ZHX3: variants seen among roughly 807,000 people sequenced by gnomAD.
The protein encoded by ZHX3 is zinc fingers and homeoboxes 3.
ZHX3 carries 20 observed loss-of-function variants against 64.5 expected under a neutral mutation model. The observed-to-expected ratio is 0.31, with a 90% CI of 0.22 to 0.45. The LOEUF is 0.45. Ranked by LOEUF, ZHX3 falls within the 20% of genes least tolerant of loss-of-function variation. ZHX3 has a pLI of 1.00. For missense variants in ZHX3, 1,041 were observed against 1,195.8 expected (o/e 0.87, Z 1.91); for synonymous variants, 423 against 461.6 (o/e 0.92, Z 1.07).
At chr20:41,266,700 T>C (rs1337742002) in intron 2 of ZHX3, among the ~76,000 whole-genome samples, 5 of 149,886 alleles carry the variant, frequency 3.3e-5, no homozygotes, top group South Asian at 2.1e-4. Flanking sequence ...CGCGCGCCAC[T>C]GCGCCCAGCT....
rs2036232319 is a variant in ZHX3, at chr20:41,181,031, C to A, written c.*4160G>T. On this transcript the variant is annotated 3_prime_UTR_variant, in exon 4 of 4. Coordinates refer to ENST00000683867, the MANE Select transcript of ZHX3 (RefSeq NM_001384317.1). ...TGGAGCTTTTCTGAGATCAAGTGCT[C>A]CCCAAACTACATGGGAGTAGCCCCC... 6.6e-6 allele frequency: 1 copy of A among 152,238 alleles called. No individual in the cohort carries two copies. The highest frequency in any genetic ancestry group is 1.5e-5 in the Non-Finnish European group (1 of 68,084). The allele number at this position is 152,238 out of a possible 1,614,324, so 9.4% of individuals were successfully genotyped here. A position where few individuals can be genotyped will look rare whatever the true frequency, so the allele number is the denominator to read the frequency against.
At chr20:41,206,839 A>G (rs2038755053) in intron 2 of ZHX3, among the ~76,000 whole-genome samples, 1 of 152,164 alleles carries the variant, frequency 6.6e-6, no homozygotes, top group African/African-American at 2.4e-5. Flanking sequence ...TCCAAAACAC[A>G]TTAATTGTCA....
At chr20:41,265,722 G>C (rs2146594849) in intron 2 of ZHX3, among the ~76,000 whole-genome samples, 1 of 152,236 alleles carries the variant, frequency 6.6e-6, no homozygotes, top group East Asian at 1.9e-4. Context: ...TAGCCAAGTA[G>C]AGATGCCCAC....
chr20:41,250,138 T>C (rs1296791064), intron 2 of ZHX3, among the ~76,000 whole-genome samples: 1 of 152,112 alleles, frequency 6.6e-6, no homozygotes, highest in Non-Finnish European at 1.5e-5. Context: ...TCAGGCAGCA[T>C]GGCCTGGGGA....
chr20:41,292,477 A>G (rs1403724777), intron 1 of ZHX3, among the ~76,000 whole-genome samples: 1 of 152,210 alleles, frequency 6.6e-6, no homozygotes, highest in Non-Finnish European at 1.5e-5. Flanking sequence ...CCATGTACAA[A>G]GGGCAAGAGA....
chr20:41,303,136 G>A (rs1025552574), intron 1 of ZHX3, among the ~76,000 whole-genome samples: 4 of 152,202 alleles, frequency 2.6e-5, no homozygotes, highest in African/African-American at 9.7e-5. Flanking sequence ...GTGAAGTTAA[G>A]GTATGTCCAA....
At chr20:41,186,918 G>C (rs2036568922) in intron 3 of ZHX3, among the ~76,000 whole-genome samples, 1 of 151,946 alleles carries the variant, frequency 6.6e-6, no homozygotes, top group African/African-American at 2.4e-5. Context: ...CCATTCTGTG[G>C]GTTCTTTCAT....
intron 1 of ZHX3, among the ~76,000 whole-genome samples, chr20:41,305,423 T>C (rs1038874864): frequency 6.0e-5 from 9 of 150,458 alleles, no homozygotes; most frequent in African/African-American, 2.0e-4. Context: ...TCCCAGGAGG[T>C]AGAAGCTGCA....
At chr20:41,298,553 C>T (rs563011224) in intron 1 of ZHX3, among the ~76,000 whole-genome samples, 50 of 152,266 alleles carry the variant, frequency 3.3e-4, no homozygotes, top group Middle Eastern at 3.4e-3. Context: ...ACAAATGTAA[C>T]AAAACATAGC....
chr20:41,269,769 GA>G (rs2043036065), intron 1 of ZHX3, among the ~76,000 whole-genome samples: 1 of 151,926 alleles, frequency 6.6e-6, no homozygotes, highest in Non-Finnish European at 1.5e-5. Flanking sequence ...GAGTATACCA[GA>G]AGGTCTCAGA....
rs2036292921 is a variant in ZHX3, at chr20:41,182,777, G to A, written c.*2414C>T. 1 of 152,246 alleles carries A rather than the reference G, an allele frequency of 6.6e-6. No homozygotes were observed. The highest frequency in any genetic ancestry group is 1.5e-5 in the Non-Finnish European group (1 of 68,056). 9.4% of individuals were successfully genotyped at this position (152,246 alleles called of 1,614,324 possible). A position where few individuals can be genotyped will look rare whatever the true frequency, so the allele number is the denominator to read the frequency against. On this transcript the variant is annotated 3_prime_UTR_variant, in exon 4 of 4. Transcript: ENST00000683867. This position sits in a 1 kb window ranked among gnomAD's most constrained non-coding sequence, Gnocchi z 6.1. ...ACATCTATAAGAAAAACATACCAGG[G>A]CAGGCAGCACTGTACTTTTCCACCT...
chr20:41,289,450 C>T lies in ZHX3; in HGVS notation c.-244-20367G>A, dbSNP rs557043662. 4.6e-5 allele frequency among the ~76,000 whole-genome samples: 7 copies of T among 152,064 alleles called. 1 individual carries two copies. Among genetic ancestry groups the T allele is most frequent in the Non-Finnish European group, 7.4e-5 (5 of 68,014 alleles). ...GTCACAGTCAAACAGAGAAAAATAACGGTGCTCCTTGTTTTACTCCAAATT... is the reference window on the plus strand; with the variant it reads ...GTCACAGTCAAACAGAGAAAAATAATGGTGCTCCTTGTTTTACTCCAAATT... On this transcript the variant is annotated intron_variant, in intron 1 of 3. Transcript: ENST00000683867.
rs149159580 is a variant in ZHX3, at chr20:41,181,787, G to A, written c.*3404C>T. On this transcript the variant is annotated 3_prime_UTR_variant, in exon 4 of 4. Transcript: ENST00000683867. The stretch of plus-strand genomic sequence containing the variant: ...GCCTCCCAAGGCTAGCTGGAGATGA[G>A]ACCACTAGTACATGTGTGAGCCCGC... 1.6e-3 allele frequency: 246 copies of A among 152,432 alleles called. 1 individual carries two copies. Among genetic ancestry groups the A allele is most frequent in the African/African-American group, 5.3e-3 (222 of 41,590 alleles). 9.4% of individuals were successfully genotyped at this position (152,432 alleles called of 1,614,324 possible).
At chr20:41,264,639 A>G (rs562835151) in intron 2 of ZHX3, among the ~76,000 whole-genome samples, 1 of 151,958 alleles carries the variant, frequency 6.6e-6, no homozygotes. Context: ...CAAATGATTC[A>G]TGTTATAGAA....
At chr20:41,266,692 C>A (rs1164454222) in intron 2 of ZHX3, among the ~76,000 whole-genome samples, 1 of 151,594 alleles carries the variant, frequency 6.6e-6, no homozygotes. Context: ...ACTACAGGCG[C>A]GCGCCACTGC....
intron 2 of ZHX3, among the ~76,000 whole-genome samples, chr20:41,240,859 G>A (rs910016752): frequency 7.2e-5 from 11 of 152,100 alleles, no homozygotes; most frequent in South Asian, 4.1e-4. Context: ...CTTTTGTATC[G>A]TTGAATAGTA....
Position 41,204,372 on chromosome 20 carries a change from G to T in ZHX3, c.545C>A (p.Thr182Asn). 1 of 1,614,144 alleles carries T rather than the reference G, an allele frequency of 6.2e-7. No individual in the cohort carries two copies. Among genetic ancestry groups the T allele is most frequent in the East Asian group, 2.2e-5 (1 of 44,870 alleles). ...GADGQAEIII[T>N]KTPIMKIMKG... The stretch of plus-strand genomic sequence containing the variant: ...CATTATCTTCATGATTGGAGTTTTG[G>T]TAATGATGATTTCTGCCTGTCCATC... Residue 182 changes from threonine to asparagine, a missense_variant, in exon 3 of 4, where the codon ACC becomes AAC. Coordinates refer to ENST00000683867, the MANE Select transcript of ZHX3 (RefSeq NM_001384317.1). The surrounding 1 kb of genome is among the most constrained non-coding windows in gnomAD (Gnocchi z 6.6).
At chr20:41,292,371 A>C (rs1308472971) in intron 1 of ZHX3, among the ~76,000 whole-genome samples, 1 of 152,222 alleles carries the variant, frequency 6.6e-6, no homozygotes, top group East Asian at 1.9e-4. Context: ...ACAAGTGCAA[A>C]TGCTTTGTTG....
intron 3 of ZHX3, among the ~76,000 whole-genome samples, chr20:41,196,365 T>TTTC (rs2037501527): frequency 1.1e-5 from 1 of 89,152 alleles, no homozygotes; most frequent in East Asian, 3.3e-4. Flanking sequence ...CTTATAAATA[T>TTTC]ATATATTTAT....
Sources: gnomAD v4.1 joint callset for allele counts (sites outside exome capture counted in the v4.1 genomes callset) on GRCh38, gnomAD v4.1.1 for gene constraint, Gnocchi (gnomAD v3.1) non-coding constraint, MANE v1.5 for transcripts, NCBI Gene and HGNC (gene_info 2026-07-23, HGNC 2026-07-21) for gene names.